The following TUBB4A variants were observed in gnomAD, a reference collection of about 807,000 sequenced individuals.
TUBB4A encodes the protein tubulin beta-4A chain.
Under a neutral mutation model 35.1 loss-of-function variants are expected in TUBB4A, and 13 were observed. The observed-to-expected ratio is 0.37, with a 90% confidence interval of 0.24 to 0.59. TUBB4A has a LOEUF of 0.59. Ranked by LOEUF, TUBB4A falls within the 20% of genes least tolerant of loss-of-function variation. TUBB4A has a pLI of 0.71. For missense variants in TUBB4A, 299 were observed against 647.2 expected (o/e 0.46, Z 5.84); for synonymous variants, 279 against 272.4 (o/e 1.02, Z -0.24).
chr19:6,497,313 G>A (rs756528079), intron 3 of TUBB4A, among the ~76,000 whole-genome samples: 1 of 151,358 alleles, frequency 6.6e-6, no homozygotes, highest in Non-Finnish European at 1.5e-5. Context: ...CCAGGCTGGA[G>A]TACAGAGGTG....
chr19:6,501,699 A>G lies in TUBB4A; in HGVS notation c.58-76T>C, dbSNP rs372655526. ...AGCCGAGGACTGCCCCCAGCCCCCA[A>G]CTAGCTCCCTAGCTGCCACCTCTCC... On this transcript the variant is annotated intron_variant, in intron 1 of 3. Coordinates refer to ENST00000264071, the MANE Select transcript of TUBB4A (RefSeq NM_006087.4). This position sits in a 1 kb window ranked among gnomAD's most constrained non-coding sequence, Gnocchi z 4.2. 3 of 1,230,730 alleles carry G rather than the reference A, an allele frequency of 2.4e-6. No homozygotes were observed. Among genetic ancestry groups the G allele is most frequent in the Admixed American group, 3.8e-5 (2 of 52,820 alleles). The allele number at this position is 1,230,730 out of a possible 1,614,324, so 76.2% of individuals were successfully genotyped here.
chr19:6,494,930 T>C lies in TUBB4A; in HGVS notation c.*234A>G, dbSNP rs1157852307. Reference sequence around the variant, plus strand: ...AGAAGGGGTGAAGCGGGGCTCCTCCTGGGAATGTCAAGGTTGGAAGAGCTC... The same window carrying C: ...AGAAGGGGTGAAGCGGGGCTCCTCCCGGGAATGTCAAGGTTGGAAGAGCTC... On this transcript the variant is annotated 3_prime_UTR_variant, in exon 4 of 4. Transcript: ENST00000264071. 1.0e-5 allele frequency: 6 copies of C among 600,800 alleles called. No individual in the cohort carries two copies. The highest frequency in any genetic ancestry group is 9.3e-5 in the African/African-American group (5 of 53,906). The allele number at this position is 600,800 out of a possible 1,614,324, so 37.2% of individuals were successfully genotyped here. A position where few individuals can be genotyped will look rare whatever the true frequency, so the allele number is the denominator to read the frequency against.
At position 6,494,919 on chromosome 19, in the gene TUBB4A, G is replaced by C. The variant is rs1338120413; in HGVS notation, c.*245C>G. On this transcript the variant is annotated 3_prime_UTR_variant, in exon 4 of 4. Transcript: ENST00000264071. ...TTTCCAGAGTCAGAAGGGGTGAAGC[G>C]GGGCTCCTCCTGGGAATGTCAAGGT... 3 of 589,076 alleles carry C rather than the reference G, an allele frequency of 5.1e-6. No individual in the cohort carries two copies. The East Asian group carries it at 8.5e-5, about 17-fold the overall frequency. 36.5% of individuals were successfully genotyped at this position (589,076 alleles called of 1,614,324 possible). A position where few individuals can be genotyped will look rare whatever the true frequency, so the allele number is the denominator to read the frequency against.
In TUBB4A at chr19:6,495,740, C is replaced by T; in HGVS notation, c.759G>A (p.Leu253=). ...PGQLNADLRK[L]AVNMVPFPRL... Reference sequence around the variant, plus strand: ...GAGGAAAGGGAACCATGTTGACGGCCAGCTTGCGCAGGTCGGCGTTCAGCT... The same window carrying T: ...GAGGAAAGGGAACCATGTTGACGGCTAGCTTGCGCAGGTCGGCGTTCAGCT... Residue 253 remains leucine (L), a synonymous_variant, in exon 4 of 4, where the codon CTG becomes CTA. Transcript: ENST00000264071. The surrounding 1 kb of genome is among the most constrained non-coding windows in gnomAD (Gnocchi z 8.7). 3.7e-6 allele frequency: 6 copies of T among 1,614,138 alleles called. No homozygotes were observed. The highest frequency in any genetic ancestry group is 4.2e-6 in the Non-Finnish European group (5 of 1,180,006).
rs1914147296 is a variant in TUBB4A at position 6,495,940 on chromosome 19, G to A, written c.559C>T (p.Leu187=). 3 of 1,614,222 alleles carry A rather than the reference G, an allele frequency of 1.9e-6. No individual in the cohort carries two copies. The highest frequency in any genetic ancestry group is 1.3e-5 in the African/African-American group (1 of 75,056). ...TTCTCCACCAGCTGGTGCACAGACA[G>A]CGTGGCGTTGTAGGGCTCCACCACC... ...DTVVEPYNAT[L]SVHQLVENTD... Residue 187 remains leucine, a synonymous_variant, in exon 4 of 4, where the codon CTG becomes TTG. Transcript: ENST00000264071. This position sits in a 1 kb window ranked among gnomAD's most constrained non-coding sequence, Gnocchi z 8.7.
Position 6,495,257 on chromosome 19 carries a change from G to A in TUBB4A, c.1242C>T (p.Asn414=). The change falls in exon 4 of 4, where the codon AAC becomes AAT. Residue 414 remains asparagine (N), a synonymous_variant. Transcript: ENST00000264071. This position sits in a 1 kb window ranked among gnomAD's most constrained non-coding sequence, Gnocchi z 8.7. ...GGTACTCAGATACCAGGTCATTCAT[G>A]TTGCTCTCGGCCTCGGTGAACTCCA... ...DEMEFTEAES[N]MNDLVSEYQQ... is the part of the protein sequence containing the mutation. 2 of 1,613,874 alleles carry A rather than the reference G, an allele frequency of 1.2e-6. No individual in the cohort carries two copies. Among genetic ancestry groups the A allele is most frequent in the South Asian group, 2.2e-5 (2 of 91,074 alleles).
intron 3 of TUBB4A, among the ~76,000 whole-genome samples, chr19:6,497,804 G>A (rs1914321980): frequency 6.7e-6 from 1 of 149,708 alleles, no homozygotes; most frequent in Admixed American, 6.8e-5. Flanking sequence ...GAGGTGGCGG[G>A]CGCCTGTAGT....
In TUBB4A at chr19:6,495,359, G is replaced by A; in HGVS notation, c.1140C>T (p.Arg380=). The A allele has an allele frequency of 6.2e-7, 1 of 1,613,800 alleles. No homozygotes were observed. The highest frequency in any genetic ancestry group is 1.3e-5 in the African/African-American group (1 of 75,056). Reference sequence around the variant, plus strand: ...ACATGGCCGTGAACTGCTCGGAGATGCGCTTGAACAGCTCCTGGATGGCCG... The same window carrying A: ...ACATGGCCGTGAACTGCTCGGAGATACGCTTGAACAGCTCCTGGATGGCCG... ...NSTAIQELFK[R]ISEQFTAMFR... Residue 380 remains arginine, a synonymous_variant, in exon 4 of 4, where the codon CGC becomes CGT. Coordinates refer to ENST00000264071, the MANE Select transcript of TUBB4A (RefSeq NM_006087.4). The surrounding 1 kb of genome is among the most constrained non-coding windows in gnomAD (Gnocchi z 8.7).
rs1914548193 is a variant in TUBB4A at position 6,501,845 on chromosome 19, CGCACCCAGGCT to C, written c.58-233_58-223del. 1 of 587,574 alleles carries C rather than the reference CGCACCCAGGCT, an allele frequency of 1.7e-6. No homozygotes were observed. Among genetic ancestry groups the C allele is most frequent in the African/African-American group, 1.9e-5 (1 of 53,326 alleles). The allele number at this position is 587,574 out of a possible 1,614,324, so 36.4% of individuals were successfully genotyped here. On this transcript the variant is annotated intron_variant, in intron 1 of 3. Transcript: ENST00000264071. This position sits in a 1 kb window ranked among gnomAD's most constrained non-coding sequence, Gnocchi z 4.2. ...ACCCAGCGGGGCCGGCTGGTGCCAG[CGCACCCAGGCT>C]GCAGCCCGGGGGAGGCACCGGGGCT...
At chr19:6,496,268 C>G (rs747046930) in intron 3 of TUBB4A, 47 bp from the exon 4 acceptor site, 2 of 1,537,348 alleles carry the variant, frequency 1.3e-6, no homozygotes, top group East Asian at 4.5e-5. Flanking sequence ...TGGGGAGCCC[C>G]AACCCTTGAC....
In TUBB4A at chr19:6,501,116, T is replaced by C; in HGVS notation, c.277+171A>G. ...TCTCTGTATCCGCCCTCCTCAGGGC[T>C]CTCACAGTGGCCTGAGCATCCCCTC... On this transcript the variant is annotated intron_variant, in intron 3 of 3. Transcript: ENST00000264071. This position sits in a 1 kb window ranked among gnomAD's most constrained non-coding sequence, Gnocchi z 4.2. 1 of 586,398 alleles carries C rather than the reference T, an allele frequency of 1.7e-6. No homozygotes were observed. Among genetic ancestry groups the C allele is most frequent in the Non-Finnish European group, 3.0e-6 (1 of 331,034 alleles). 36.3% of individuals were successfully genotyped at this position (586,398 alleles called of 1,614,324 possible).
Position 6,494,970 on chromosome 19 carries a change from T to C in TUBB4A, c.*194A>G. 1.5e-6 allele frequency: 1 copy of C among 666,228 alleles called. No homozygotes were observed. Among genetic ancestry groups the C allele is most frequent in the Non-Finnish European group, 2.5e-6 (1 of 397,180 alleles). 41.3% of individuals were successfully genotyped at this position (666,228 alleles called of 1,614,324 possible). A position where few individuals can be genotyped will look rare whatever the true frequency, so the allele number is the denominator to read the frequency against. ...TGGAAGAGCTCAAGGGGGTTAAAGA[T>C]AAATTAGGGCTCAAAGGGGAGCCAG... On this transcript the variant is annotated 3_prime_UTR_variant, in exon 4 of 4. Transcript: ENST00000264071.
Position 6,496,049 on chromosome 19 carries a change from C to A in TUBB4A, c.450G>T (p.Leu150=), listed in dbSNP as rs1272350809. The part of the protein sequence containing the change: ...GGGTGSGMGT[L]LISKIREEFP... ...ACTCCTCGCGGATCTTACTGATGAG[C>A]AGCGTGCCCATTCCGGACCCCGTGC... The change falls in exon 4 of 4, where the codon CTG becomes CTT. Residue 150 remains leucine (L), a synonymous_variant. Transcript: ENST00000264071. 10 of 1,614,064 alleles carry A rather than the reference C, an allele frequency of 6.2e-6. No individual in the cohort carries two copies. Among genetic ancestry groups the A allele is most frequent in the African/African-American group, 1.3e-5 (1 of 74,920 alleles).
intron 1 of TUBB4A, 55 bp downstream of exon 1, chr19:6,502,101 C>A (rs1191181435): frequency 1.3e-6 from 2 of 1,509,650 alleles, no homozygotes; most frequent in Non-Finnish European, 1.8e-6. Context: ...GGGGACCGAC[C>A]CCGCGGTGCT....
Position 6,495,353 on chromosome 19 carries a change from G to A in TUBB4A, c.1146C>T (p.Ser382=), listed in dbSNP as rs545249557. Residue 382 remains serine, a synonymous_variant, in exon 4 of 4, where the codon TCC becomes TCT. Transcript: ENST00000264071. The surrounding 1 kb of genome is among the most constrained non-coding windows in gnomAD (Gnocchi z 8.7). The part of the protein sequence containing the change: ...TAIQELFKRI[S]EQFTAMFRRK... ...GCCGGAACATGGCCGTGAACTGCTCGGAGATGCGCTTGAACAGCTCCTGGA... is the reference window on the plus strand; with the variant it reads ...GCCGGAACATGGCCGTGAACTGCTCAGAGATGCGCTTGAACAGCTCCTGGA... 9.3e-6 allele frequency: 15 copies of A among 1,613,768 alleles called. No individual in the cohort carries two copies. The highest frequency in any genetic ancestry group is 6.7e-5 in the African/African-American group (5 of 75,048).
At chr19:6,499,051 G>T in intron 3 of TUBB4A, among the ~76,000 whole-genome samples, 1 of 152,234 alleles carries the variant, frequency 6.6e-6, no homozygotes, top group South Asian at 2.1e-4. Flanking sequence ...CAGACCAGGC[G>T]CGGTTGCTCA....
rs1388406926 is a variant in TUBB4A, at chr19:6,495,905, C to T, written c.594G>A (p.Glu198=). 2.5e-6 allele frequency: 4 copies of T among 1,614,206 alleles called. No individual in the cohort carries two copies. Among genetic ancestry groups the T allele is most frequent in the Middle Eastern group, 1.6e-4 (1 of 6,062 alleles). ...GTGCCTCGTTGTCGATGCAGTAGGT[C>T]TCATCCGTATTCTCCACCAGCTGGT... ...SVHQLVENTD[E]TYCIDNEALY... The change falls in exon 4 of 4, where the codon GAG becomes GAA. Residue 198 remains glutamate, a synonymous_variant. Coordinates refer to ENST00000264071, the MANE Select transcript of TUBB4A (RefSeq NM_006087.4). This position sits in a 1 kb window ranked among gnomAD's most constrained non-coding sequence, Gnocchi z 8.7.
Position 6,495,084 on chromosome 19 carries a change from T to C in TUBB4A, c.*80A>G. On this transcript the variant is annotated 3_prime_UTR_variant, in exon 4 of 4. Transcript: ENST00000264071. This position sits in a 1 kb window ranked among gnomAD's most constrained non-coding sequence, Gnocchi z 8.7. ...GTCAGCCTTGGAGGGAAAGCGGGGCTCTAGGGTTCAGAGATGGGGGGCCTA... is the reference window on the plus strand; with the variant it reads ...GTCAGCCTTGGAGGGAAAGCGGGGCCCTAGGGTTCAGAGATGGGGGGCCTA... 1 of 1,539,102 alleles carries C rather than the reference T, an allele frequency of 6.5e-7. No homozygotes were observed.
At chr19:6,496,285 T>C in intron 3 of TUBB4A, 64 bp from the exon 4 acceptor site, 2 of 1,472,918 alleles carry the variant, frequency 1.4e-6, no homozygotes, top group South Asian at 1.3e-5. Context: ...TGACTCTGTC[T>C]CTCCACCACC....
Sources: allele counts gnomAD v4.1 joint callset (sites outside exome capture counted in the v4.1 genomes callset), GRCh38; gene constraint gnomAD v4.1.1; non-coding constraint Gnocchi (gnomAD v3.1); transcripts MANE v1.5; gene names NCBI Gene and HGNC (gene_info 2026-07-23, HGNC 2026-07-21).